PRDX3: variants seen among roughly 807,000 people sequenced by gnomAD.
PRDX3 encodes peroxiredoxin 3, also known as thioredoxin-dependent peroxide reductase, mitochondrial.
A neutral mutation model predicts 30.4 loss-of-function variants in PRDX3; 20 were observed. That is an observed-to-expected ratio of 0.66 (90% CI 0.46 to 0.96). PRDX3 has a LOEUF of 0.96. PRDX3 is among the 40% of genes least tolerant of loss of function. PRDX3 has a pLI of 0.00. For missense variants in PRDX3, 322 were observed against 318.3 expected (o/e 1.01, Z -0.09); for synonymous variants, 124 against 117.8 (o/e 1.05, Z -0.34).
At position 119,174,432 on chromosome 10, in the gene PRDX3, T is replaced by C; in HGVS notation, c.311+19A>G. ...TTGCTCTCAGAATGACACGAAAGCA[T>C]CATAGAAATTACACTTACAAATCCA... On this transcript the variant is annotated intron_variant, in intron 3 of 6. Transcript: ENST00000298510. 1 of 1,588,904 alleles carries C rather than the reference T, an allele frequency of 6.3e-7. No individual in the cohort carries two copies. Among genetic ancestry groups the C allele is most frequent in the Non-Finnish European group, 8.5e-7 (1 of 1,171,424 alleles).
intron 6 of PRDX3, among the ~76,000 whole-genome samples, chr10:119,168,927 A>C (rs1304288570): frequency 1.1e-4 from 16 of 146,766 alleles, no homozygotes; most frequent in East Asian, 2.0e-4. Context: ...GAGCTGAGAG[A>C]GCGCCACTGC....
In PRDX3 at chr10:119,178,770, C is replaced by T. The variant is rs1848108900; in HGVS notation, c.21G>A (p.Arg7=). ...AGCCACTCACCGACGCTCGGAGCAA[C>T]CGTCCTACAGCAGCCGCCATCTTCA... The part of the protein sequence containing the change: MAAAVG[R]LLRASVARHV... Residue 7 remains arginine, a synonymous_variant, in exon 1 of 7, where the codon CGG becomes CGA. Transcript: ENST00000298510. 1 of 1,552,978 alleles carries T rather than the reference C, an allele frequency of 6.4e-7. No homozygotes were observed. The highest frequency in any genetic ancestry group is 8.7e-7 in the Non-Finnish European group (1 of 1,148,272).
chr10:119,169,054 C>T (rs757191518), intron 6 of PRDX3, 123 bp downstream of exon 6: 43 of 966,048 alleles, frequency 4.5e-5, no homozygotes, highest in Middle Eastern at 3.5e-4. Context: ...AGCAGCTTCA[C>T]CCATTTGCAT....
chr10:119,174,057 A>C (rs1283066836), intron 3 of PRDX3, among the ~76,000 whole-genome samples, 185 bp from the exon 4 acceptor site: 2 of 152,208 alleles, frequency 1.3e-5, no homozygotes, highest in East Asian at 1.9e-4. Context: ...TATTTTTAGG[A>C]ATTGTATCAA....
intron 5 of PRDX3, chr10:119,170,507 C>T (rs1335745266): frequency 1.3e-5 from 2 of 151,756 alleles, no homozygotes; most frequent in African/African-American, 4.8e-5. Context: ...GGAAAGGGAC[C>T]GTAGGAGAAA....
chr10:119,173,630 A>G, intron 4 of PRDX3, 107 bp downstream of exon 4: 3 of 1,356,188 alleles, frequency 2.2e-6, no homozygotes, highest in Non-Finnish European at 3.0e-6. Flanking sequence ...AAAAAAAAAA[A>G]CCCAACCCTT....
At chr10:119,177,249 C>A in intron 1 of PRDX3, 96 bp from the exon 2 acceptor site, 2 of 1,311,068 alleles carry the variant, frequency 1.5e-6, no homozygotes, top group Non-Finnish European at 2.1e-6. Context: ...TGTCCCTGTT[C>A]CTGTGAACCA....
Position 119,169,338 on chromosome 10 carries a change from G to A in PRDX3, c.556C>T (p.Leu186Phe). 6.2e-7 allele frequency: 1 copy of A among 1,613,436 alleles called. No individual in the cohort carries two copies. Among genetic ancestry groups the A allele is most frequent in the South Asian group, 1.1e-5 (1 of 91,004 alleles). Residue 186 changes from leucine (L) to phenylalanine (F), a missense_variant, in exon 6 of 7, where the codon CTC becomes TTC. By Grantham distance (22) the Leu-to-Phe change is conservative. Transcript: ENST00000298510. ...LEGSGLALRGLFIIDPNGVIK... is the reference protein window; with the variant it reads ...LEGSGLALRGFFIIDPNGVIK... ...ACTCCATTGGGGTCAATTATGAAGA[G>A]ACCTCTGCATGATCATTTATCCTCA...
intron 4 of PRDX3, 116 bp downstream of exon 4, chr10:119,173,621 A>AC (rs1357136001): frequency 5.9e-5 from 73 of 1,246,162 alleles, no homozygotes; most frequent in South Asian, 8.4e-5. Context: ...AAAAAAAAAA[A>AC]AAAAAAAAAC....
At chr10:119,175,945 AT>A (rs1213694406) in intron 2 of PRDX3, among the ~76,000 whole-genome samples, 3 of 150,980 alleles carry the variant, frequency 2.0e-5, no homozygotes, top group African/African-American at 4.9e-5. Context: ...CACCCGGCTT[AT>A]TTTTTTTAAG....
chr10:119,177,881 C>CTT (rs141498625), intron 1 of PRDX3, among the ~76,000 whole-genome samples: 49,141 of 134,696 alleles, frequency 0.36, 9,844 homozygotes, highest in East Asian at 0.55. Flanking sequence ...GTTTACTCAA[C>CTT]TTTTTTTTTT....
At chr10:119,171,726 G>T (rs1457293307) in intron 5 of PRDX3, among the ~76,000 whole-genome samples, 1 of 152,128 alleles carries the variant, frequency 6.6e-6, no homozygotes, top group African/African-American at 2.4e-5. Flanking sequence ...TTTTAGTTAT[G>T]GGAAAACTGG....
Position 119,169,223 on chromosome 10 carries a change from G to A in PRDX3, c.671C>T (p.Thr224Ile). ...RLVKAFQYVE[T>I]HGEVCPANWT... ...GTTCGCTGGGCAGACTTCTCCATGT[G>A]TTTCTACATACTGGAACGCCTTCAC... is the stretch of plus-strand genomic sequence containing the variant. Residue 224 changes from threonine to isoleucine, a missense_variant, in exon 6 of 7, where the codon ACA becomes ATA. Physicochemically the swap from Thr to Ile is moderately conservative, Grantham distance 89. Coordinates refer to ENST00000298510, the MANE Select transcript of PRDX3 (RefSeq NM_006793.5). 5 of 1,613,064 alleles carry A rather than the reference G, an allele frequency of 3.1e-6. No individual in the cohort carries two copies. The highest frequency in any genetic ancestry group is 3.4e-6 in the Non-Finnish European group (4 of 1,180,030).
chr10:119,169,076 G>C, intron 6 of PRDX3, 101 bp downstream of exon 6: 1 of 1,111,140 alleles, frequency 9.0e-7, no homozygotes, highest in East Asian at 3.5e-5. Flanking sequence ...TCATCTGCAC[G>C]CTTGCTTCAA....
intron 6 of PRDX3, among the ~76,000 whole-genome samples, chr10:119,168,793 C>A (rs1295125251): frequency 6.6e-6 from 1 of 152,040 alleles, no homozygotes; most frequent in South Asian, 2.1e-4. Context: ...CTGGCTAACA[C>A]GGTGAAACCC....
At position 119,169,235 on chromosome 10, in the gene PRDX3, TG is replaced by T; in HGVS notation, c.658del (p.Gln220SerfsTer3). On this transcript the variant is annotated frameshift_variant, in exon 6 of 7. Transcript: ENST00000298510. LOFTEE classifies it high-confidence loss of function. ...GACTTCTCCATGTGTTTCTACATAC[TG>T]GAACGCCTTCACCAAGCGGAGGGTT... The part of the protein sequence containing the change: ...EETLRLVKAF[Q>X]YVETHGEVCP... 2 of 1,613,384 alleles carry T rather than the reference TG, an allele frequency of 1.2e-6. No individual in the cohort carries two copies.
chr10:119,174,608 C>A lies in PRDX3; in HGVS notation c.170-16G>T, dbSNP rs1330140933. 6.3e-7 allele frequency: 1 copy of A among 1,576,798 alleles called. No individual in the cohort carries two copies. On this transcript the variant is annotated splice_polypyrimidine_tract_variant and intron_variant, in intron 2 of 6. Transcript: ENST00000298510. ...CATGAGGAACCTGAAAAAAAACCCA[C>A]ACTCATATGGAGTTCATCATTTGCT...
chr10:119,168,749 G>A (rs1477294293), intron 6 of PRDX3, among the ~76,000 whole-genome samples: 4 of 151,816 alleles, frequency 2.6e-5, no homozygotes, highest in African/African-American at 7.3e-5. Context: ...AGGCCAAGGC[G>A]GGTGGATCAC....
chr10:119,178,401 C>T (rs1320925813), intron 1 of PRDX3, among the ~76,000 whole-genome samples: 1 of 152,220 alleles, frequency 6.6e-6, no homozygotes, highest in Non-Finnish European at 1.5e-5. Flanking sequence ...TTGATGTAGG[C>T]ATCATTCTTT....
Sources: allele counts gnomAD v4.1 joint callset (sites outside exome capture counted in the v4.1 genomes callset), GRCh38; gene constraint gnomAD v4.1.1; transcripts MANE v1.5; gene names NCBI Gene and HGNC (gene_info 2026-07-23, HGNC 2026-07-21).